The following ACACB variants were observed in gnomAD, a reference collection of about 807,000 sequenced individuals.
The protein encoded by ACACB is acetyl-CoA carboxylase 2.
A neutral mutation model predicts 278.8 loss-of-function variants in ACACB; 209 were observed. That is an observed-to-expected ratio of 0.75 (90% CI 0.67 to 0.84). ACACB has a LOEUF of 0.84. ACACB is among the 40% of genes least tolerant of loss of function. ACACB has a pLI of 0.00. For missense variants in ACACB, 2,850 were observed against 3,269.0 expected (o/e 0.87, Z 3.13); for synonymous variants, 1,174 against 1,285.6 (o/e 0.91, Z 1.86).
intron 13 of ACACB, among the ~76,000 whole-genome samples, chr12:109,189,840 G>C (rs748878739): frequency 1.3e-4 from 20 of 152,226 alleles, no homozygotes; most frequent in Non-Finnish European, 2.4e-4. Flanking sequence ...GCCAGGCACA[G>C]TGGCTCATGC....
In ACACB at chr12:109,172,279, T is replaced by TG. The variant is rs766388518; in HGVS notation, c.1041dup (p.Trp348ValfsTer12). On this transcript the variant is annotated frameshift_variant, in exon 6 of 53. Coordinates refer to ENST00000338432, the MANE Select transcript of ACACB (RefSeq NM_001093.4). LOFTEE classifies it high-confidence loss of function. Reference sequence around the variant, plus strand: ...CACCCCTTTCTGTGTTTGCAGGCGGTGTGGGCTGGCTGGGGCCATGCTTCA... The same window carrying TG: ...CACCCCTTTCTGTGTTTGCAGGCGGTGGTGGGCTGGCTGGGGCCATGCTTCA... 1 of 1,613,734 alleles carries TG rather than the reference T, an allele frequency of 6.2e-7. No homozygotes were observed. Among genetic ancestry groups the TG allele is most frequent in the South Asian group, 1.1e-5 (1 of 91,052 alleles).
chr12:109,163,360 G>A (rs2043796487), intron 2 of ACACB, among the ~76,000 whole-genome samples: 1 of 152,216 alleles, frequency 6.6e-6, no homozygotes, highest in South Asian at 2.1e-4. Context: ...CAGACAGGAT[G>A]TTGCACTCAT....
intron 1 of ACACB, among the ~76,000 whole-genome samples, chr12:109,128,925 A>G (rs929210694): frequency 1.3e-5 from 2 of 152,018 alleles, no homozygotes; most frequent in Non-Finnish European, 2.9e-5. Context: ...GGCATGAGCC[A>G]CTGTGTCTGG....
At chr12:109,237,114 C>A in intron 33 of ACACB, 51 bp from the exon 34 acceptor site, 1 of 1,594,954 alleles carries the variant, frequency 6.3e-7, no homozygotes, top group East Asian at 2.2e-5. Flanking sequence ...GCAGCTCCAA[C>A]GTCACGCTGT....
Position 109,241,070 on chromosome 12 carries a change from T to A in ACACB, c.4819-8T>A. The stretch of plus-strand genomic sequence containing the variant: ...CCCTGAAACTGGAATTGCTGTGTTT[T>A]GGGGCAGATCGAGGAGTCCGTGCGC... On this transcript the variant is annotated splice_region_variant and splice_polypyrimidine_tract_variant and intron_variant, in intron 35 of 52. Coordinates refer to ENST00000338432, the MANE Select transcript of ACACB (RefSeq NM_001093.4). The A allele has an allele frequency of 6.2e-7, 1 of 1,612,960 alleles. No homozygotes were observed. Among genetic ancestry groups the A allele is most frequent in the Non-Finnish European group, 8.5e-7 (1 of 1,179,112 alleles).
chr12:109,130,240 T>C (rs886574241), intron 1 of ACACB, among the ~76,000 whole-genome samples: 8 of 152,126 alleles, frequency 5.3e-5, no homozygotes, highest in East Asian at 1.9e-4. Context: ...GATGAACTCA[T>C]TGAACTCTTA....
chr12:109,257,150 T>C (rs1593721887), intron 45 of ACACB, among the ~76,000 whole-genome samples: 1 of 152,128 alleles, frequency 6.6e-6, no homozygotes, highest in South Asian at 2.1e-4. Flanking sequence ...GGCAGGCACC[T>C]GTAATCCCAG....
chr12:109,168,986 C>T (rs570969937), intron 4 of ACACB, among the ~76,000 whole-genome samples: 2 of 151,826 alleles, frequency 1.3e-5, no homozygotes, highest in East Asian at 1.9e-4. Flanking sequence ...CTAAAAATAC[C>T]TCCCAAAAAT....
intron 19 of ACACB, among the ~76,000 whole-genome samples, chr12:109,202,572 C>T (rs1224115129): frequency 1.3e-5 from 2 of 152,170 alleles, no homozygotes; most frequent in Admixed American, 1.3e-4. Context: ...TCCTCAGCCT[C>T]CCAAAGTGAT....
chr12:109,160,103 A>C (rs945180856), intron 2 of ACACB, among the ~76,000 whole-genome samples: 14 of 151,692 alleles, frequency 9.2e-5, no homozygotes, highest in Non-Finnish European at 1.6e-4. Context: ...AAAAAAAAAA[A>C]AACCAACCAA....
rs79052581 is a variant in ACACB at position 109,194,787 on chromosome 12, A to C, written c.2481+1058A>C. Among the ~76,000 whole-genome samples, 1,342 of 152,272 alleles carry C rather than the reference A, an allele frequency of 8.8e-3. 15 individuals carry two copies. The highest frequency in any genetic ancestry group is 0.031 in the African/African-American group (1,267 of 41,540). Reference sequence around the variant, plus strand: ...CAGAGACCTCATTCCAAATAAGGTCACATTCCAAGGTTCCAGGAAGGCCAT... The same window carrying C: ...CAGAGACCTCATTCCAAATAAGGTCCCATTCCAAGGTTCCAGGAAGGCCAT... On this transcript the variant is annotated intron_variant, in intron 16 of 52. Transcript: ENST00000338432.
At chr12:109,152,757 G>A (rs145422935) in intron 2 of ACACB, among the ~76,000 whole-genome samples, 4 of 137,328 alleles carry the variant, frequency 2.9e-5, no homozygotes, top group East Asian at 4.8e-4. Context: ...TAATCTTCCC[G>A]CCTCAGCCTC....
chr12:109,153,922 T>G (rs926092443), intron 2 of ACACB, among the ~76,000 whole-genome samples: 16 of 152,152 alleles, frequency 1.1e-4, no homozygotes, highest in Admixed American at 9.8e-4. Flanking sequence ...CCTCCCAAAG[T>G]GCTGGTATTA....
intron 47 of ACACB, chr12:109,259,991 A>C (rs2075261): frequency 1.8e-6 from 2 of 1,139,776 alleles, no homozygotes; most frequent in Non-Finnish European, 2.4e-6. Context: ...CCGAGGTAAG[A>C]GTCTGATGAG....
chr12:109,255,408 T>G (rs937006714), intron 44 of ACACB, among the ~76,000 whole-genome samples: 8 of 152,202 alleles, frequency 5.3e-5, no homozygotes, highest in African/African-American at 1.9e-4. Context: ...CTTCTCTTGC[T>G]TTTCATTTCT....
Position 109,166,679 on chromosome 12 carries a change from C to CAAAAAAAG in ACACB, c.654-182_654-181insAAAAAAAG, listed in dbSNP as rs1225818948. Among the ~76,000 whole-genome samples, 2 of 20,844 alleles carry CAAAAAAAG rather than the reference C, an allele frequency of 9.6e-5. 1 individual carries two copies. The highest frequency in any genetic ancestry group is 3.1e-4 in the Non-Finnish European group (2 of 6,542). 13.7% of individuals were successfully genotyped at this position (20,844 alleles called of 152,430 possible). ...AAAAAAAAAAAAAAAAAAAAAAAAC[C>CAAAAAAAG]GAAGGTGCTTCCTGCCCTTGAGCCT... On this transcript the variant is annotated intron_variant, in intron 2 of 52. Coordinates refer to ENST00000338432, the MANE Select transcript of ACACB (RefSeq NM_001093.4).
chr12:109,124,016 A>C (rs2135950697), intron 1 of ACACB, among the ~76,000 whole-genome samples: 1 of 152,144 alleles, frequency 6.6e-6, no homozygotes, highest in South Asian at 2.1e-4. Flanking sequence ...CAATTCTCAC[A>C]GCTAGATGTC....
chr12:109,241,736 A>G, intron 36 of ACACB: 1 of 183,006 alleles, frequency 5.5e-6, no homozygotes, highest in Non-Finnish European at 1.2e-5. Flanking sequence ...TACTTTCCCA[A>G]CCATGTTCTA....
intron 31 of ACACB, among the ~76,000 whole-genome samples, chr12:109,234,419 T>TA (rs2046572652): frequency 6.6e-6 from 1 of 152,122 alleles, no homozygotes; most frequent in Non-Finnish European, 1.5e-5. Context: ...AGTGTGCCAA[T>TA]AACAGCAGGT....
Sources: gnomAD v4.1 joint callset for allele counts (sites outside exome capture counted in the v4.1 genomes callset) on GRCh38, gnomAD v4.1.1 for gene constraint, MANE v1.5 for transcripts, NCBI Gene and HGNC (gene_info 2026-07-23, HGNC 2026-07-21) for gene names.